The following KITLG variants were observed in gnomAD, a reference collection of about 807,000 sequenced individuals.
KITLG encodes the protein c-Kit ligand.
In KITLG, 13 loss-of-function variants were observed where a neutral mutation model predicts 34.1. That is an observed-to-expected ratio of 0.38 (90% CI 0.25 to 0.61). KITLG has a LOEUF of 0.61. Among genes scored for constraint, KITLG ranks in the 20% least tolerant of loss-of-function variants. The pLI is 0.60. For missense variants in KITLG, 292 were observed against 318.9 expected, an observed-to-expected ratio of 0.92 and a Z score of 0.64; for synonymous variants, 110 against 104.0, an observed-to-expected ratio of 1.06 and a Z score of -0.35.
At chr12:88,506,605 CACTT>C (rs1285346827) in intron 7 of KITLG, among the ~76,000 whole-genome samples, 3 of 152,282 alleles carry the variant, frequency 2.0e-5, no homozygotes, top group South Asian at 2.1e-4. Context: ...AAGAAGCTGA[CACTT>C]AATCAAATTC....
intron 3 of KITLG, among the ~76,000 whole-genome samples, chr12:88,528,742 C>G (rs1291738632): frequency 6.6e-6 from 1 of 152,098 alleles, no homozygotes; most frequent in African/African-American, 2.4e-5. Flanking sequence ...AAGAAAGCAA[C>G]TGATAAAGCA....
chr12:88,571,639 G>A (rs138368412), intron 1 of KITLG, among the ~76,000 whole-genome samples: 2 of 152,096 alleles, frequency 1.3e-5, no homozygotes, highest in Admixed American at 1.3e-4. Context: ...CCTGAATTAG[G>A]TCTCCATTCA....
At chr12:88,579,982 G>C in intron 1 of KITLG, 1 of 580,932 alleles carries the variant, frequency 1.7e-6, no homozygotes, top group South Asian at 2.1e-5. Context: ...CTTTCCACCA[G>C]ACGGGAATTA....
At chr12:88,520,892 T>C (rs532465952) in intron 3 of KITLG, among the ~76,000 whole-genome samples, 12 of 152,276 alleles carry the variant, frequency 7.9e-5, no homozygotes, top group Non-Finnish European at 1.6e-4. Flanking sequence ...ATCAACTCTT[T>C]CCAGTAAAAT....
chr12:88,504,750 C>T (rs545729571), intron 9 of KITLG, among the ~76,000 whole-genome samples: 1 of 152,156 alleles, frequency 6.6e-6, no homozygotes, highest in South Asian at 2.1e-4. Context: ...TTGACCCAGG[C>T]ATCCCATTAC....
In KITLG at chr12:88,580,391, G is replaced by C; in HGVS notation, c.-113C>G. On this transcript the variant is annotated 5_prime_UTR_variant, in exon 1 of 10. Transcript: ENST00000644744. Reference sequence around the variant, plus strand: ...GCGGCGGCAGATAGTCCACGCATTGGGTAGCCCGAGCGCAGCGCCCTCTCC... The same window carrying C: ...GCGGCGGCAGATAGTCCACGCATTGCGTAGCCCGAGCGCAGCGCCCTCTCC... The C allele has an allele frequency of 8.0e-7, 1 of 1,248,586 alleles. No homozygotes were observed. Among genetic ancestry groups the C allele is most frequent in the African/African-American group, 1.5e-5 (1 of 67,172 alleles). The allele number at this position is 1,248,586 out of a possible 1,614,324, so 77.3% of individuals were successfully genotyped here. A position where few individuals can be genotyped will look rare whatever the true frequency, so the allele number is the denominator to read the frequency against.
intron 6 of KITLG, among the ~76,000 whole-genome samples, chr12:88,512,297 T>G (rs1355393191): frequency 1.3e-5 from 2 of 152,034 alleles, no homozygotes; most frequent in African/African-American, 2.4e-5. Context: ...AGATCAGAGA[T>G]GGCAGAACAA....
Position 88,545,710 on chromosome 12 carries a change from C to T in KITLG, c.129+42G>A, listed in dbSNP as rs369792715. On this transcript the variant is annotated intron_variant, in intron 2 of 9. Coordinates refer to ENST00000644744, the MANE Select transcript of KITLG (RefSeq NM_000899.5). ...TCAACAAGCACAGGAAAAAGAGCCA[C>T]AGCTCTTTTTTACACAGCACGGTAA... The T allele has an allele frequency of 3.4e-5, 38 of 1,106,014 alleles. No individual in the cohort carries two copies. In the African/African-American group the frequency reaches 5.6e-4, roughly 16 times the overall value. The allele number at this position is 1,106,014 out of a possible 1,614,324, so 68.5% of individuals were successfully genotyped here.
chr12:88,513,991 A>T (rs755595351), intron 6 of KITLG, among the ~76,000 whole-genome samples: 1 of 151,822 alleles, frequency 6.6e-6, no homozygotes, highest in African/African-American at 2.4e-5. Flanking sequence ...AAAATTATAG[A>T]GTATGTTTTC....
chr12:88,552,093 G>A (rs1341806205), intron 1 of KITLG, among the ~76,000 whole-genome samples: 2 of 152,000 alleles, frequency 1.3e-5, no homozygotes, highest in African/African-American at 4.8e-5. Context: ...CTCCCCTAGA[G>A]CCTTTGGAAA....
intron 2 of KITLG, among the ~76,000 whole-genome samples, chr12:88,541,468 CACAA>C (rs1265286037): frequency 1.3e-5 from 2 of 152,112 alleles, no homozygotes; most frequent in Admixed American, 6.6e-5. Flanking sequence ...ACAAAGTCGT[CACAA>C]ACAAAGAGAA....
At chr12:88,571,565 G>C (rs1460833552) in intron 1 of KITLG, among the ~76,000 whole-genome samples, 2 of 152,148 alleles carry the variant, frequency 1.3e-5, no homozygotes, top group African/African-American at 4.8e-5. Context: ...AACAGACCTA[G>C]CACAATTGTT....
intron 1 of KITLG, among the ~76,000 whole-genome samples, chr12:88,569,043 T>G (rs1871553824): frequency 6.6e-6 from 1 of 152,184 alleles, no homozygotes; most frequent in African/African-American, 2.4e-5. Context: ...GACAAGTGGC[T>G]ATATTTCTAT....
At chr12:88,505,446 T>C (rs941980246) in intron 8 of KITLG, among the ~76,000 whole-genome samples, 20 of 152,200 alleles carry the variant, frequency 1.3e-4, no homozygotes, top group Non-Finnish European at 2.4e-4. Flanking sequence ...AAAACATTTC[T>C]TTCTCTGTAT....
intron 2 of KITLG, among the ~76,000 whole-genome samples, chr12:88,540,480 G>A (rs1870480076): frequency 6.6e-6 from 1 of 152,070 alleles, no homozygotes; most frequent in African/African-American, 2.4e-5. Flanking sequence ...CATGGTGTCT[G>A]TGTACTCATA....
intron 3 of KITLG, among the ~76,000 whole-genome samples, chr12:88,530,705 C>G (rs55918225): frequency 2.6e-5 from 4 of 152,220 alleles, no homozygotes; most frequent in Non-Finnish European, 5.9e-5. Flanking sequence ...CTCCCCCTAA[C>G]TCAATAGGAT....
chr12:88,576,386 A>G (rs940625785), intron 1 of KITLG, among the ~76,000 whole-genome samples: 1 of 152,202 alleles, frequency 6.6e-6, no homozygotes, highest in African/African-American at 2.4e-5. Context: ...TTCATTAGGC[A>G]TAATTTACCT....
intron 3 of KITLG, among the ~76,000 whole-genome samples, chr12:88,519,786 G>C (rs1008041089): frequency 3.9e-5 from 6 of 151,912 alleles, no homozygotes; most frequent in African/African-American, 1.5e-4. Context: ...ACCAAGTGTG[G>C]CTAATTTTTA....
At chr12:88,548,515 G>A (rs1264097189) in intron 1 of KITLG, among the ~76,000 whole-genome samples, 1 of 151,722 alleles carries the variant, frequency 6.6e-6, no homozygotes, top group Non-Finnish European at 1.5e-5. Context: ...CAGACTCCCA[G>A]GCCATCTCTA....
Sources: allele counts gnomAD v4.1 joint callset (sites outside exome capture counted in the v4.1 genomes callset), GRCh38; gene constraint gnomAD v4.1.1; transcripts MANE v1.5; gene names NCBI Gene and HGNC (gene_info 2026-07-23, HGNC 2026-07-21).